The following LRRC20 variants were observed in gnomAD, a reference collection of about 807,000 sequenced individuals.
The protein encoded by LRRC20 is leucine-rich repeat-containing protein 20.
LRRC20 carries 11 observed loss-of-function variants against 14.4 expected under a neutral mutation model. That is an observed-to-expected ratio of 0.77 (90% CI 0.48 to 1.27). The LOEUF (loss-of-function observed/expected upper bound fraction) is 1.27. LRRC20 is among the 50% of genes most tolerant of loss of function. LRRC20 has a pLI of 0.00. For missense variants in LRRC20, 219 were observed against 251.2 expected (o/e 0.87, Z 0.87); for synonymous variants, 121 against 107.3 (o/e 1.13, Z -0.79).
intron 2 of LRRC20, 98 bp downstream of exon 2, chr10:70,376,354 T>C (rs1844505970): frequency 8.4e-7 from 1 of 1,184,966 alleles, no homozygotes; most frequent in East Asian, 2.3e-5. Flanking sequence ...CAGGATGAGG[T>C]TGCACACTGA....
intron 2 of LRRC20, among the ~76,000 whole-genome samples, chr10:70,365,966 G>A (rs1273739271): frequency 2.6e-5 from 4 of 151,484 alleles, no homozygotes; most frequent in Non-Finnish European, 5.9e-5. Context: ...CTACTCAGGA[G>A]GCTGAGGCAG....
intron 2 of LRRC20, among the ~76,000 whole-genome samples, chr10:70,349,580 T>A (rs1267087399): frequency 2.0e-5 from 3 of 152,126 alleles, no homozygotes; most frequent in Non-Finnish European, 2.9e-5. Context: ...TCTGTCTCAA[T>A]AAACAAATAA....
chr10:70,300,380 A>T lies in LRRC20; in HGVS notation c.*974T>A. On this transcript the variant is annotated 3_prime_UTR_variant, in exon 5 of 5. Coordinates refer to ENST00000446961, the MANE Select transcript of LRRC20 (RefSeq NM_001278212.2). ...CCTAAGATGCCAGGTTGAGGGCCTC[A>T]GAAGAACCAGGTCATCAGGGCTTTG... is the stretch of plus-strand genomic sequence containing the variant. 1.0e-6 allele frequency: 1 copy of T among 985,486 alleles called. No individual in the cohort carries two copies. The highest frequency in any genetic ancestry group is 1.2e-6 in the Non-Finnish European group (1 of 829,954). 61.0% of individuals were successfully genotyped at this position (985,486 alleles called of 1,614,324 possible). A position where few individuals can be genotyped will look rare whatever the true frequency, so the allele number is the denominator to read the frequency against.
chr10:70,323,862 C>A lies in LRRC20; in HGVS notation c.400+1G>T, dbSNP rs558851469. On this transcript the variant is annotated splice_donor_variant, in intron 4 of 4. Coordinates refer to ENST00000446961, the MANE Select transcript of LRRC20 (RefSeq NM_001278212.2). LOFTEE classifies it high-confidence loss of function. The stretch of plus-strand genomic sequence containing the variant: ...GGGCCAGGTGGGCCAGGCCCACTCA[C>A]CTACGATCTCGTTCTCCTCCAGGTT... 2 of 1,614,118 alleles carry A rather than the reference C, an allele frequency of 1.2e-6. No individual in the cohort carries two copies. The highest frequency in any genetic ancestry group is 1.3e-5 in the African/African-American group (1 of 75,070).
chr10:70,375,689 C>T (rs1844481176), intron 2 of LRRC20, among the ~76,000 whole-genome samples: 1 of 152,198 alleles, frequency 6.6e-6, no homozygotes, highest in East Asian at 1.9e-4. Context: ...CTCCAGGCCT[C>T]TACAGTGGTG....
rs566059745 is a variant in LRRC20 at position 70,302,727 on chromosome 10, T to C, written c.401-1219A>G. Among the ~76,000 whole-genome samples the C allele has an allele frequency of 3.2e-4, 48 of 151,776 alleles. 1 individual carries two copies. The South Asian group carries it at 9.6e-3, about 30-fold the overall frequency. On this transcript the variant is annotated intron_variant, in intron 4 of 4. Coordinates refer to ENST00000446961, the MANE Select transcript of LRRC20 (RefSeq NM_001278212.2). ...AGTCTCTATTTCTTTTTTTTTTTTT[T>C]TGAGACGGAGTTTCGCTCTGTCGCC...
At position 70,300,691 on chromosome 10, in the gene LRRC20, A is replaced by T; in HGVS notation, c.*663T>A. The stretch of plus-strand genomic sequence containing the variant: ...ACAGAGCTGACGTGACTTGCTCCCC[A>T]TTCCCAGCCTGCTGGTCCTCGGGCT... On this transcript the variant is annotated 3_prime_UTR_variant, in exon 5 of 5. Coordinates refer to ENST00000446961, the MANE Select transcript of LRRC20 (RefSeq NM_001278212.2). The T allele has an allele frequency of 4.1e-6, 4 of 985,594 alleles. No individual in the cohort carries two copies. The highest frequency in any genetic ancestry group is 4.8e-6 in the Non-Finnish European group (4 of 830,068). 61.1% of individuals were successfully genotyped at this position (985,594 alleles called of 1,614,324 possible).
intron 4 of LRRC20, among the ~76,000 whole-genome samples, chr10:70,321,774 T>C (rs1341785956): frequency 6.6e-6 from 1 of 152,220 alleles, no homozygotes; most frequent in Non-Finnish European, 1.5e-5. Context: ...CCTGGCCAGA[T>C]GTGTGATAGG....
intron 2 of LRRC20, among the ~76,000 whole-genome samples, chr10:70,373,944 C>G (rs1042435320): frequency 1.3e-5 from 2 of 152,230 alleles, no homozygotes; most frequent in African/African-American, 4.8e-5. Context: ...CCGCCCTGCA[C>G]ACTTCACCTG....
At chr10:70,314,516 C>G (rs772000950) in intron 4 of LRRC20, among the ~76,000 whole-genome samples, 40 of 152,050 alleles carry the variant, frequency 2.6e-4, no homozygotes, top group Non-Finnish European at 4.9e-4. Context: ...CTTTCCTGGG[C>G]AGCAGGCAAG....
intron 3 of LRRC20, among the ~76,000 whole-genome samples, chr10:70,337,201 C>T (rs1842747914): frequency 6.6e-6 from 1 of 152,180 alleles, no homozygotes; most frequent in East Asian, 1.9e-4. Context: ...CAGAGGAGGA[C>T]AGAGCAGGCC....
chr10:70,359,915 TTTTC>T (rs1439247695), intron 2 of LRRC20, among the ~76,000 whole-genome samples: 15 of 151,132 alleles, frequency 9.9e-5, no homozygotes, highest in Admixed American at 9.9e-4. Context: ...TTTTTTTTCT[TTTTC>T]TTTTTTTTTT....
intron 2 of LRRC20, among the ~76,000 whole-genome samples, chr10:70,358,455 T>C (rs1843608278): frequency 6.6e-6 from 1 of 152,144 alleles, no homozygotes; most frequent in African/African-American, 2.4e-5. Flanking sequence ...GGGCTTGATA[T>C]AGCAAGGAAT....
intron 2 of LRRC20, among the ~76,000 whole-genome samples, chr10:70,345,628 G>A (rs1843047089): frequency 6.6e-6 from 1 of 152,124 alleles, no homozygotes; most frequent in South Asian, 2.1e-4. Flanking sequence ...AAGGACGTAA[G>A]ATATTTACAA....
At position 70,376,508 on chromosome 10, in the gene LRRC20, A is replaced by G. The variant is rs780398971; in HGVS notation, c.26T>C (p.Val9Ala). 3 of 1,613,882 alleles carry G rather than the reference A, an allele frequency of 1.9e-6. No homozygotes were observed. Among genetic ancestry groups the G allele is most frequent in the Non-Finnish European group, 8.5e-7 (1 of 1,179,998 alleles). The change falls in exon 2 of 5, where the codon GTG becomes GCG. Residue 9 changes from valine to alanine, a missense_variant. Coordinates refer to ENST00000446961, the MANE Select transcript of LRRC20 (RefSeq NM_001278212.2). ...GTTGACCTTCCTTGCTACTCTGGCC[A>G]CGGCCTCACCCATCTTCTTCAGCAT... is the stretch of plus-strand genomic sequence containing the variant. MLKKMGEA[V>A]ARVARKVNET...
At chr10:70,353,105 C>G (rs1053396493) in intron 2 of LRRC20, among the ~76,000 whole-genome samples, 1 of 152,188 alleles carries the variant, frequency 6.6e-6, no homozygotes, top group African/African-American at 2.4e-5. Context: ...GCAGCCACCA[C>G]TGATTGACAC....
intron 1 of LRRC20, 123 bp from the exon 2 acceptor site, chr10:70,376,719 G>A: frequency 1.7e-6 from 1 of 603,230 alleles, no homozygotes; most frequent in Non-Finnish European, 2.9e-6. Context: ...GAGGGCCCCA[G>A]GCCACTCACC....
Position 70,339,279 on chromosome 10 carries a change from T to C in LRRC20, c.232+1274A>G, listed in dbSNP as rs569848320. ...GTCTCAAGGGCACTGCTATGAATGC[T>C]GGTCGTCTTTGTACCAGCAGACACA... On this transcript the variant is annotated intron_variant, in intron 3 of 4. Transcript: ENST00000446961. 1.1e-3 allele frequency among the ~76,000 whole-genome samples: 168 copies of C among 152,350 alleles called. 3 individuals are homozygous for C. The South Asian group carries it at 0.012, about 11-fold the overall frequency.
In LRRC20 at chr10:70,305,906, A is replaced by T. The variant is rs1841402585; in HGVS notation, c.401-4398T>A. Among the ~76,000 whole-genome samples the T allele has an allele frequency of 2.0e-5, 3 of 151,944 alleles. No individual in the cohort carries two copies. In the South Asian group the frequency reaches 6.2e-4, roughly 32 times the overall value. On this transcript the variant is annotated intron_variant, in intron 4 of 4. Transcript: ENST00000446961. ...CAGGTGCCCGCCACCACGCCCGGCTAATTTTTTATATTTTTAGTAGAGACG... is the reference window on the plus strand; with the variant it reads ...CAGGTGCCCGCCACCACGCCCGGCTTATTTTTTATATTTTTAGTAGAGACG...
Sources: allele counts gnomAD v4.1 joint callset (sites outside exome capture counted in the v4.1 genomes callset), GRCh38; gene constraint gnomAD v4.1.1; transcripts MANE v1.5; gene names NCBI Gene and HGNC (gene_info 2026-07-23, HGNC 2026-07-21).